The following RAD51B variants were observed in gnomAD, a reference collection of about 807,000 sequenced individuals.
RAD51B encodes RAD51 paralog B.
RAD51B carries 38 observed loss-of-function variants against 42.2 expected under a neutral mutation model. That is an observed-to-expected ratio of 0.90 (90% CI 0.70 to 1.18). The LOEUF (loss-of-function observed/expected upper bound fraction) is 1.18. Ranked by LOEUF, RAD51B falls within the 50% of genes most tolerant of loss-of-function variation. The pLI is 0.00. For synonymous variants in RAD51B, 154 were observed against 145.2 expected (o/e 1.06, Z -0.43); for missense variants, 373 against 400.7 (o/e 0.93, Z 0.59).
chr14:68,248,777 C>T (rs970781134), intron 7 of RAD51B, among the ~76,000 whole-genome samples: 1 of 152,226 alleles, frequency 6.6e-6, no homozygotes, highest in Non-Finnish European at 1.5e-5. Flanking sequence ...TTTAAGATTT[C>T]CATCTTTCTT....
At chr14:68,563,218 C>T (rs897154689) in intron 10 of RAD51B, 1 of 985,380 alleles carries the variant, frequency 1.0e-6, no homozygotes, top group Non-Finnish European at 1.2e-6. Context: ...TTTTCTCCTC[C>T]GTCTCTCATT....
chr14:68,371,566 T>G (rs2083265966), intron 8 of RAD51B, among the ~76,000 whole-genome samples: 1 of 151,940 alleles, frequency 6.6e-6, no homozygotes, highest in Non-Finnish European at 1.5e-5. Context: ...TTGAGATATG[T>G]AAGTGACCGG....
chr14:68,519,277 G>C (rs1002905530), intron 10 of RAD51B, among the ~76,000 whole-genome samples: 1 of 152,232 alleles, frequency 6.6e-6, no homozygotes, highest in East Asian at 1.9e-4. Flanking sequence ...GGGGCAGGAG[G>C]GTTGTTATTT....
intron 10 of RAD51B, among the ~76,000 whole-genome samples, chr14:68,474,265 C>T (rs909937755): frequency 2.0e-5 from 3 of 152,208 alleles, no homozygotes; most frequent in African/African-American, 7.2e-5. Context: ...AAATTGCTCT[C>T]CAAAGACTTT....
At chr14:68,108,723 A>G (rs144879492) in intron 7 of RAD51B, among the ~76,000 whole-genome samples, 8 of 152,042 alleles carry the variant, frequency 5.3e-5, no homozygotes, top group Non-Finnish European at 1.2e-4. Flanking sequence ...TGAGCACTCT[A>G]AAAACACTGA....
intron 7 of RAD51B, chr14:67,887,470 C>T (rs879368174): frequency 2.2e-5 from 6 of 275,864 alleles, no homozygotes; most frequent in African/African-American, 4.4e-5. Flanking sequence ...CCCTCCTTTT[C>T]TTCCTTCTCA....
chr14:68,243,289 G>T (rs960632318), intron 7 of RAD51B, among the ~76,000 whole-genome samples: 9 of 151,872 alleles, frequency 5.9e-5, no homozygotes, highest in Non-Finnish European at 1.3e-4. Context: ...ACTTGCGAAG[G>T]TTAAAAAATA....
chr14:68,082,779 G>A (rs1355805548), intron 7 of RAD51B, among the ~76,000 whole-genome samples: 1 of 151,938 alleles, frequency 6.6e-6, no homozygotes, highest in African/African-American at 2.4e-5. Flanking sequence ...AATGACTAAT[G>A]TTGTTTTCTT....
chr14:68,247,812 A>G (rs1051687490), intron 7 of RAD51B, among the ~76,000 whole-genome samples: 2 of 152,252 alleles, frequency 1.3e-5, no homozygotes, highest in African/African-American at 4.8e-5. Flanking sequence ...CTAGCACTCC[A>G]GGACAAGTTA....
At chr14:68,659,800 T>C (rs1305743376) in intron 11 of RAD51B, among the ~76,000 whole-genome samples, 2 of 152,210 alleles carry the variant, frequency 1.3e-5, no homozygotes, top group Non-Finnish European at 2.9e-5. Flanking sequence ...CTGCCCACCT[T>C]AGCACTCCCC....
At chr14:68,268,089 A>G (rs1315365625) in intron 7 of RAD51B, among the ~76,000 whole-genome samples, 7 of 152,170 alleles carry the variant, frequency 4.6e-5, no homozygotes, top group Non-Finnish European at 4.4e-5. Flanking sequence ...GAGTTCTAAC[A>G]TTTCTCCTTG....
chr14:68,618,237 T>C (rs1272634171), intron 10 of RAD51B, among the ~76,000 whole-genome samples: 2 of 152,226 alleles, frequency 1.3e-5, no homozygotes, highest in Non-Finnish European at 2.9e-5. Flanking sequence ...TCAACCTGTC[T>C]AGATTGCATC....
At chr14:68,303,495 G>T (rs2081793607) in intron 8 of RAD51B, among the ~76,000 whole-genome samples, 1 of 151,406 alleles carries the variant, frequency 6.6e-6, no homozygotes, top group East Asian at 1.9e-4. Context: ...AAAGAAATAC[G>T]GAAGTGACGG....
chr14:68,080,816 A>G (rs143062655), intron 7 of RAD51B, among the ~76,000 whole-genome samples: 2,016 of 152,328 alleles, frequency 0.013, 26 homozygotes, highest in Non-Finnish European at 0.023. Flanking sequence ...TTTAGTAGTC[A>G]ATATCTGGGG....
In RAD51B at chr14:68,468,167, T is replaced by G. The variant is rs1441392632; in HGVS notation, c.958-5T>G. The G allele has an allele frequency of 6.2e-7, 1 of 1,613,394 alleles. No homozygotes were observed. The highest frequency in any genetic ancestry group is 1.3e-5 in the African/African-American group (1 of 75,008). ...TAACCCTAGAAAAATGTGCTTTATG[T>G]GCAGATTCTTATTGCCAAGTCCCCT... On this transcript the variant is annotated splice_polypyrimidine_tract_variant and splice_region_variant and intron_variant, in intron 9 of 10. Coordinates refer to ENST00000471583, the MANE Select transcript of RAD51B (RefSeq NM_133510.4).
intron 9 of RAD51B, among the ~76,000 whole-genome samples, chr14:68,465,418 G>C (rs906978067): frequency 6.6e-6 from 1 of 152,044 alleles, no homozygotes; most frequent in Non-Finnish European, 1.5e-5. Flanking sequence ...CTTCAATCAG[G>C]CTAATTGCCT....
chr14:68,654,085 C>A (rs75141912), intron 11 of RAD51B, among the ~76,000 whole-genome samples: 2,438 of 152,320 alleles, frequency 0.016, 30 homozygotes, highest in Middle Eastern at 0.045. Flanking sequence ...AGAGGAAGCT[C>A]TGATGACACT....
intron 8 of RAD51B, among the ~76,000 whole-genome samples, chr14:68,340,005 A>G (rs1651281167): frequency 2.0e-5 from 3 of 152,236 alleles, no homozygotes; most frequent in Admixed American, 6.5e-5. Flanking sequence ...TGTCTACACA[A>G]GGGTTAAAAA....
chr14:68,334,834 G>C (rs1293697977), intron 8 of RAD51B, among the ~76,000 whole-genome samples: 1 of 149,166 alleles, frequency 6.7e-6, no homozygotes. Context: ...TATATTTTAT[G>C]ATATATAGGA....
Sources: gnomAD v4.1 joint callset for allele counts (sites outside exome capture counted in the v4.1 genomes callset) on GRCh38, gnomAD v4.1.1 for gene constraint, MANE v1.5 for transcripts, NCBI Gene and HGNC (gene_info 2026-07-23, HGNC 2026-07-21) for gene names.